MCMBP: variants seen among roughly 807,000 people sequenced by gnomAD.
MCMBP encodes mini-chromosome maintenance complex-binding protein.
Under a neutral mutation model 81.3 loss-of-function variants are expected in MCMBP, and 31 were observed. The observed-to-expected ratio is 0.38, with a 90% CI of 0.29 to 0.51. MCMBP has a LOEUF of 0.51. Ranked by LOEUF, MCMBP falls within the 20% of genes least tolerant of loss-of-function variation. MCMBP has a pLI of 0.87. For missense variants in MCMBP, 645 were observed against 772.1 expected, an observed-to-expected ratio of 0.84 and a Z score of 1.95; for synonymous variants, 267 against 275.9, an observed-to-expected ratio of 0.97 and a Z score of 0.32.
In MCMBP at chr10:119,856,230, A is replaced by AAAAC. The variant is rs923842677; in HGVS notation, c.429+1104_429+1107dup. 3.3e-5 allele frequency among the ~76,000 whole-genome samples: 5 copies of AAAAC among 152,280 alleles called. No individual in the cohort carries two copies. The East Asian group carries it at 5.8e-4, about 18-fold the overall frequency. On this transcript the variant is annotated intron_variant, in intron 5 of 15. Coordinates refer to ENST00000369077, the MANE Select transcript of MCMBP (RefSeq NM_001256378.2). ...AGCAAGACTCCATCTCAAGAAAACAAAAACAAACAAACAAAAAACAAACAA... is the reference window on the plus strand; with the variant it reads ...AGCAAGACTCCATCTCAAGAAAACAAAAACAAACAAACAAACAAAAAACAAACAA...
rs928421334 is a variant in MCMBP at position 119,838,516 on chromosome 10, G to C, written c.1408+19C>G. The C allele has an allele frequency of 6.3e-7, 1 of 1,595,062 alleles. No homozygotes were observed. Among genetic ancestry groups the C allele is most frequent in the Non-Finnish European group, 8.6e-7 (1 of 1,166,570 alleles). On this transcript the variant is annotated intron_variant, in intron 12 of 15. Transcript: ENST00000369077. Reference sequence around the variant, plus strand: ...TGCGAAGGAAGTCAGAAATGGAAGAGAAACATCTATGTACGTACCTGGGGT... The same window carrying C: ...TGCGAAGGAAGTCAGAAATGGAAGACAAACATCTATGTACGTACCTGGGGT...
chr10:119,856,453 CTATA>C (rs1280861144), intron 5 of MCMBP, among the ~76,000 whole-genome samples: 1 of 152,152 alleles, frequency 6.6e-6, no homozygotes, highest in Non-Finnish European at 1.5e-5. Flanking sequence ...GACACAAAGA[CTATA>C]TATTATATGA....
intron 1 of MCMBP, among the ~76,000 whole-genome samples, chr10:119,861,888 G>A (rs1238542809): frequency 3.9e-5 from 6 of 152,048 alleles, no homozygotes; most frequent in South Asian, 4.2e-4. Context: ...CCACAGGCAC[G>A]GGCCACCACG....
intron 13 of MCMBP, 135 bp downstream of exon 13, chr10:119,836,757 GTTTT>G (rs199759464): frequency 3.7e-5 from 11 of 296,964 alleles, no homozygotes; most frequent in African/African-American, 2.6e-4. Context: ...AGCAGTCACA[GTTTT>G]TTTTTTTTTT....
chr10:119,846,004 A>T (rs552239531), intron 8 of MCMBP, among the ~76,000 whole-genome samples: 1 of 152,338 alleles, frequency 6.6e-6, no homozygotes, highest in Non-Finnish European at 1.5e-5. Flanking sequence ...GTATGTGTGC[A>T]TTTAAATGTG....
At position 119,830,879 on chromosome 10, in the gene MCMBP, T is replaced by C. The variant is rs1169707203; in HGVS notation, c.*595A>G. ...TACAAAAGTCTGGGAACCACTGCCA[T>C]GTACAAGTTTAGTTTTGCAGGCTGT... On this transcript the variant is annotated 3_prime_UTR_variant, in exon 16 of 16. Transcript: ENST00000369077. 2 of 152,640 alleles carry C rather than the reference T, an allele frequency of 1.3e-5. No homozygotes were observed. Among genetic ancestry groups the C allele is most frequent in the Admixed American group, 1.3e-4 (2 of 15,264 alleles). The allele number at this position is 152,640 out of a possible 1,614,324, so 9.5% of individuals were successfully genotyped here.
intron 1 of MCMBP, among the ~76,000 whole-genome samples, chr10:119,867,165 C>T (rs981250686): frequency 6.7e-6 from 1 of 150,042 alleles, no homozygotes; most frequent in Admixed American, 6.6e-5. Flanking sequence ...TGGTGGTGGT[C>T]GCCTGTAGTC....
chr10:119,847,448 T>C (rs3740566), intron 8 of MCMBP, among the ~76,000 whole-genome samples, 165 bp downstream of exon 8: 7,916 of 152,224 alleles, frequency 0.052, 334 homozygotes, highest in South Asian at 0.19. Flanking sequence ...AATGTGTGCA[T>C]AGAGAGCACA....
intron 2 of MCMBP, among the ~76,000 whole-genome samples, chr10:119,859,399 T>A (rs1050883068): frequency 6.6e-6 from 1 of 152,186 alleles, no homozygotes; most frequent in African/African-American, 2.4e-5. Context: ...TAGATAACAT[T>A]TGACCACAAT....
intron 13 of MCMBP, 40 bp from the exon 14 acceptor site, chr10:119,835,744 AAATT>A (rs1297176000): frequency 1.3e-6 from 2 of 1,599,986 alleles, no homozygotes; most frequent in Non-Finnish European, 1.7e-6. Context: ...CTGAGTTCCT[AAATT>A]AATCTACATT....
chr10:119,864,626 T>C (rs1282303662), intron 1 of MCMBP, among the ~76,000 whole-genome samples: 2 of 152,140 alleles, frequency 1.3e-5, no homozygotes, highest in African/African-American at 2.4e-5. Flanking sequence ...TTTTTTCTTT[T>C]TTTTCTGTTT....
intron 1 of MCMBP, among the ~76,000 whole-genome samples, chr10:119,867,164 T>A (rs1853489756): frequency 7.2e-6 from 1 of 138,528 alleles, no homozygotes; most frequent in East Asian, 2.2e-4. Flanking sequence ...GTGGTGGTGG[T>A]CGCCTGTAGT....
chr10:119,858,690 C>T (rs1332804687), intron 4 of MCMBP, among the ~76,000 whole-genome samples, 194 bp downstream of exon 4: 2 of 151,936 alleles, frequency 1.3e-5, no homozygotes, highest in Admixed American at 6.6e-5. Context: ...AACAGTATTT[C>T]CCCTTCAAAA....
chr10:119,842,766 C>CT, intron 9 of MCMBP, 171 bp from the exon 10 acceptor site: 1 of 661,276 alleles, frequency 1.5e-6, no homozygotes, highest in Non-Finnish European at 2.3e-6. Context: ...TTTGCATCCT[C>CT]CTTTTTTTTT....
In MCMBP at chr10:119,846,572, TG is replaced by T. The variant is rs1852627921; in HGVS notation, c.827+1040del. On this transcript the variant is annotated intron_variant, in intron 8 of 15. Transcript: ENST00000369077. Reference sequence around the variant, plus strand: ...AATGTAACTTTACAGAAGAGACATCTGGAAGTCACCACCTTAACCAACTAAT... The same window carrying T: ...AATGTAACTTTACAGAAGAGACATCTGAAGTCACCACCTTAACCAACTAAT... 2.6e-5 allele frequency among the ~76,000 whole-genome samples: 4 copies of T among 152,344 alleles called. No homozygotes were observed. In the South Asian group the frequency reaches 8.3e-4, roughly 32 times the overall value.
upstream of MCMBP, chr10:119,872,942 G>C (rs901577738): frequency 6.6e-6 from 1 of 151,890 alleles, no homozygotes; most frequent in Non-Finnish European, 1.5e-5. Context: ...GGCTCTGCGC[G>C]GCGAGGAGGA....
At chr10:119,863,691 T>C (rs1853343635) in intron 1 of MCMBP, among the ~76,000 whole-genome samples, 1 of 111,842 alleles carries the variant, frequency 8.9e-6, no homozygotes, top group South Asian at 3.0e-4. Context: ...ATCGCACCAC[T>C]GCACTCCAGC....
intron 5 of MCMBP, among the ~76,000 whole-genome samples, chr10:119,856,874 G>A (rs540384313): frequency 6.6e-6 from 1 of 152,112 alleles, no homozygotes; most frequent in Admixed American, 6.6e-5. Context: ...GCTGAGGTGA[G>A]AGGATCACTT....
rs1164277323 is a variant in MCMBP at position 119,850,766 on chromosome 10, G to GA, written c.575-1191dup. On this transcript the variant is annotated intron_variant, in intron 6 of 15. Transcript: ENST00000369077. ...TCCGTCTAAAAAAAAAAAAAAAAAG[G>GA]AAAAAAAATGATTGTATCAATATCC... Among the ~76,000 whole-genome samples the GA allele has an allele frequency of 3.5e-5, 5 of 144,310 alleles. No homozygotes were observed. In the South Asian group the frequency reaches 7.1e-4, roughly 20 times the overall value. 94.7% of individuals were successfully genotyped at this position (144,310 alleles called of 152,430 possible).
Sources: allele counts gnomAD v4.1 joint callset (sites outside exome capture counted in the v4.1 genomes callset), GRCh38; gene constraint gnomAD v4.1.1; transcripts MANE v1.5; gene names NCBI Gene and HGNC (gene_info 2026-07-23, HGNC 2026-07-21).